The following CRYZL1 variants were observed in gnomAD, a reference collection of about 807,000 sequenced individuals.
CRYZL1 encodes crystallin zeta like 1.
CRYZL1 carries 34 observed loss-of-function variants against 50.6 expected under a neutral mutation model. The observed-to-expected ratio is 0.67, with a 90% CI of 0.51 to 0.89. The LOEUF is 0.89. CRYZL1 is among the 40% of genes least tolerant of loss of function. The pLI is 0.00. For missense variants in CRYZL1, 354 were observed against 402.3 expected, an observed-to-expected ratio of 0.88 and a Z score of 1.03; for synonymous variants, 125 against 134.3, an observed-to-expected ratio of 0.93 and a Z score of 0.48.
intron 6 of CRYZL1, among the ~76,000 whole-genome samples, chr21:33,612,432 G>A (rs919003941): frequency 3.9e-5 from 6 of 152,182 alleles, no homozygotes; most frequent in South Asian, 2.1e-4. Flanking sequence ...GATTACAGGC[G>A]TGCGCCAACA....
chr21:33,629,633 GGA>G (rs2087114751), intron 2 of CRYZL1, among the ~76,000 whole-genome samples: 1 of 152,162 alleles, frequency 6.6e-6, no homozygotes, highest in Non-Finnish European at 1.5e-5. Flanking sequence ...GGTTTTTGGT[GGA>G]GTCTGTAGGG....
At chr21:33,636,467 A>G (rs1323997101) in intron 1 of CRYZL1, among the ~76,000 whole-genome samples, 3 of 152,246 alleles carry the variant, frequency 2.0e-5, no homozygotes, top group African/African-American at 4.8e-5. Context: ...GTATATCAGA[A>G]TTTCAAAATG....
intron 3 of CRYZL1, among the ~76,000 whole-genome samples, chr21:33,622,895 A>G (rs1188540653): frequency 6.6e-6 from 1 of 151,932 alleles, no homozygotes; most frequent in East Asian, 1.9e-4. Flanking sequence ...AATGTGGAAC[A>G]TAATACTTTT....
chr21:33,603,985 G>A (rs568091534), intron 6 of CRYZL1, among the ~76,000 whole-genome samples: 2 of 152,256 alleles, frequency 1.3e-5, no homozygotes, highest in African/African-American at 4.8e-5. Context: ...TGGCGTGGTG[G>A]CTCACGCCTG....
chr21:33,594,627 T>A (rs1397128602), intron 11 of CRYZL1: 9 of 150,354 alleles, frequency 6.0e-5, no homozygotes. Context: ...TGCAGTATAC[T>A]AATTACGTAA....
chr21:33,622,119 A>T, intron 3 of CRYZL1, 51 bp from the exon 4 acceptor site: 1 of 1,392,888 alleles, frequency 7.2e-7, no homozygotes, highest in Non-Finnish European at 1.0e-6. Flanking sequence ...GAAATCCTGG[A>T]CTCCATTATA....
chr21:33,622,181 C>A, intron 3 of CRYZL1, 113 bp from the exon 4 acceptor site: 1 of 825,474 alleles, frequency 1.2e-6, no homozygotes, highest in Non-Finnish European at 2.0e-6. Flanking sequence ...AAATATGGTT[C>A]AAGTTTTGGA....
At chr21:33,608,521 T>A (rs933472999) in intron 6 of CRYZL1, among the ~76,000 whole-genome samples, 4 of 152,160 alleles carry the variant, frequency 2.6e-5, no homozygotes, top group Non-Finnish European at 5.9e-5. Context: ...CCTTTGTCCA[T>A]CAACACTCCA....
intron 2 of CRYZL1, among the ~76,000 whole-genome samples, chr21:33,627,523 G>T (rs1158081795): frequency 6.6e-6 from 1 of 152,034 alleles, no homozygotes; most frequent in Non-Finnish European, 1.5e-5. Flanking sequence ...CTAAATTTAT[G>T]GAAGAATGAT....
chr21:33,614,044 C>T (rs9976392), intron 5 of CRYZL1, among the ~76,000 whole-genome samples: 8 of 151,858 alleles, frequency 5.3e-5, no homozygotes, highest in African/African-American at 9.7e-5. Context: ...TAGTGGCAGG[C>T]GCCTGTAATC....
intron 11 of CRYZL1, among the ~76,000 whole-genome samples, chr21:33,593,982 CAAAAAAAAAA>C (rs1167158360): frequency 1.0e-4 from 5 of 48,910 alleles, no homozygotes; most frequent in Admixed American, 3.5e-4. Context: ...GACTCTGTCT[CAAAAAAAAAA>C]AAAAAAAAAA....
chr21:33,608,515 T>G (rs1170277493), intron 6 of CRYZL1, among the ~76,000 whole-genome samples: 1 of 152,152 alleles, frequency 6.6e-6, no homozygotes. Context: ...TTATACCCTT[T>G]GTCCATCAAC....
intron 1 of CRYZL1, chr21:33,641,138 T>A: frequency 6.5e-7 from 1 of 1,548,708 alleles, no homozygotes; most frequent in Non-Finnish European, 8.7e-7. Flanking sequence ...GAAACGCAGA[T>A]GTTCGGCCCC....
At chr21:33,632,613 G>C (rs1188582343) in intron 1 of CRYZL1, among the ~76,000 whole-genome samples, 3 of 151,966 alleles carry the variant, frequency 2.0e-5, no homozygotes, top group African/African-American at 7.3e-5. Context: ...CCTGATCTCA[G>C]GTGATCCACC....
At chr21:33,612,289 T>C (rs1037342796) in intron 6 of CRYZL1, among the ~76,000 whole-genome samples, 5 of 147,856 alleles carry the variant, frequency 3.4e-5, no homozygotes, top group African/African-American at 1.2e-4. Context: ...GGATGGTCAT[T>C]TTTTTTTTTT....
At chr21:33,611,022 C>T (rs1220306574) in intron 6 of CRYZL1, among the ~76,000 whole-genome samples, 2 of 152,126 alleles carry the variant, frequency 1.3e-5, no homozygotes, top group African/African-American at 2.4e-5. Flanking sequence ...TGAGCCACCG[C>T]GCCCAGCCAA....
At chr21:33,617,629 C>T (rs1163585544) in intron 4 of CRYZL1, among the ~76,000 whole-genome samples, 1 of 151,922 alleles carries the variant, frequency 6.6e-6, no homozygotes, top group African/African-American at 2.4e-5. Context: ...TAAGGGGGTC[C>T]GTGTGAGAGG....
intron 12 of CRYZL1, among the ~76,000 whole-genome samples, chr21:33,590,487 C>CGAATTTT (rs2086633156): frequency 6.6e-6 from 1 of 151,412 alleles, no homozygotes; most frequent in Non-Finnish European, 1.5e-5. Context: ...GTGATCTCGG[C>CGAATTTT]TCACTGCAAC....
Position 33,599,265 on chromosome 21 carries a change from A to G in CRYZL1, c.578-17T>C. On this transcript the variant is annotated splice_polypyrimidine_tract_variant and intron_variant, in intron 8 of 12. Coordinates refer to ENST00000381554, the MANE Select transcript of CRYZL1 (RefSeq NM_145858.3). ...TCACTCGGGCTGTAAAGGACAGGAA[A>G]TCAGGCAATTGTACTGTTCTCTATG... 2 of 1,614,006 alleles carry G rather than the reference A, an allele frequency of 1.2e-6. No individual in the cohort carries two copies. The highest frequency in any genetic ancestry group is 1.7e-6 in the Non-Finnish European group (2 of 1,179,894).
Sources: allele counts gnomAD v4.1 joint callset (sites outside exome capture counted in the v4.1 genomes callset), GRCh38; gene constraint gnomAD v4.1.1; transcripts MANE v1.5; gene names NCBI Gene and HGNC (gene_info 2026-07-23, HGNC 2026-07-21).